Variants in CEP112 observed in about 807,000 individuals in gnomAD.
CEP112 encodes centrosomal protein 112.
CEP112 carries 127 observed loss-of-function variants against 153.0 expected under a neutral mutation model. That is an observed-to-expected ratio of 0.83 (90% CI 0.72 to 0.96). The LOEUF (loss-of-function observed/expected upper bound fraction) is 0.96. CEP112 is among the 40% of genes least tolerant of loss of function. The pLI is 0.00. For missense variants in CEP112, 1,089 were observed against 1,101.2 expected, an observed-to-expected ratio of 0.99 and a Z score of 0.16; for synonymous variants, 358 against 374.4, an observed-to-expected ratio of 0.96 and a Z score of 0.51.
intron 24 of CEP112, among the ~76,000 whole-genome samples, chr17:65,645,980 C>T (rs1025382702): frequency 6.6e-6 from 1 of 152,148 alleles, no homozygotes; most frequent in Non-Finnish European, 1.5e-5. Flanking sequence ...CTCTGGGGGC[C>T]TATGTCCCTC....
At chr17:66,067,378 G>T (rs998830284) in intron 9 of CEP112, among the ~76,000 whole-genome samples, 2 of 152,176 alleles carry the variant, frequency 1.3e-5, no homozygotes, top group African/African-American at 4.8e-5. Context: ...GGGAGTTAGG[G>T]ATTCTTTTTC....
intron 23 of CEP112, among the ~76,000 whole-genome samples, chr17:65,704,312 T>C (rs778689536): frequency 1.1e-4 from 16 of 152,136 alleles, no homozygotes; most frequent in Non-Finnish European, 2.1e-4. Flanking sequence ...TCTCGTTGTT[T>C]CAACCCACCC....
At chr17:65,910,446 A>G (rs1027738320) in intron 19 of CEP112, among the ~76,000 whole-genome samples, 1 of 151,468 alleles carries the variant, frequency 6.6e-6, no homozygotes, top group Non-Finnish European at 1.5e-5. Flanking sequence ...TTAGTGACAA[A>G]GAAGAGGAAA....
intron 4 of CEP112, among the ~76,000 whole-genome samples, chr17:66,166,311 C>T (rs1389650732): frequency 6.6e-6 from 1 of 152,120 alleles, no homozygotes; most frequent in East Asian, 1.9e-4. Context: ...GTTTATTTAA[C>T]ATTACTCCTC....
intron 4 of CEP112, among the ~76,000 whole-genome samples, chr17:66,165,629 T>A (rs1159414172): frequency 6.6e-6 from 1 of 152,224 alleles, no homozygotes; most frequent in Admixed American, 6.5e-5. Flanking sequence ...TTCTTTTGCA[T>A]GCCCAGACTA....
At chr17:65,834,999 G>C (rs1381408908) in intron 21 of CEP112, among the ~76,000 whole-genome samples, 1 of 152,016 alleles carries the variant, frequency 6.6e-6, no homozygotes, top group Non-Finnish European at 1.5e-5. Context: ...ATATACCATG[G>C]AATACTATGC....
intron 14 of CEP112, among the ~76,000 whole-genome samples, chr17:66,028,771 C>G (rs2145706145): frequency 6.6e-6 from 1 of 151,812 alleles, no homozygotes; most frequent in South Asian, 2.1e-4. Flanking sequence ...AAAATGAAAG[C>G]AGAACCAAGA....
intron 23 of CEP112, among the ~76,000 whole-genome samples, chr17:65,717,728 C>A (rs2049614281): frequency 6.6e-6 from 1 of 152,178 alleles, no homozygotes; most frequent in Non-Finnish European, 1.5e-5. Flanking sequence ...TTTTAATTTT[C>A]CCACTCATGA....
chr17:66,121,381 G>A (rs1037547516), intron 6 of CEP112, among the ~76,000 whole-genome samples: 4 of 152,186 alleles, frequency 2.6e-5, no homozygotes, highest in Admixed American at 2.0e-4. Context: ...TTTTGGATGC[G>A]CAAATTGATG....
chr17:65,882,328 C>T (rs1373109649), intron 20 of CEP112, among the ~76,000 whole-genome samples: 1 of 152,204 alleles, frequency 6.6e-6, no homozygotes, highest in Non-Finnish European at 1.5e-5. Context: ...GGGTCTTATT[C>T]ATTTTGGCAT....
chr17:65,660,701 T>A lies in CEP112; in HGVS notation c.2698-19636A>T, dbSNP rs917075329. ...CTGGGACTACAGGCGTGTACCACCATGCCTTGCTAATTTTTGTATTTTTTT... is the reference window on the plus strand; with the variant it reads ...CTGGGACTACAGGCGTGTACCACCAAGCCTTGCTAATTTTTGTATTTTTTT... On this transcript the variant is annotated intron_variant, in intron 24 of 26. Transcript: ENST00000535342. 6.3e-5 allele frequency among the ~76,000 whole-genome samples: 8 copies of A among 127,370 alleles called. No individual in the cohort carries two copies. The East Asian group carries it at 2.0e-3, about 33-fold the overall frequency. The allele number at this position is 127,370 out of a possible 152,430, so 83.6% of individuals were successfully genotyped here.
At chr17:65,750,415 G>C (rs2051748791) in intron 22 of CEP112, among the ~76,000 whole-genome samples, 1 of 152,084 alleles carries the variant, frequency 6.6e-6, no homozygotes, top group Non-Finnish European at 1.5e-5. Flanking sequence ...CTGAGAGTGT[G>C]TGTATGTGTG....
chr17:65,689,126 T>C lies in CEP112; in HGVS notation c.2697+3A>G. The C allele has an allele frequency of 6.3e-7, 1 of 1,596,740 alleles. No individual in the cohort carries two copies. The highest frequency in any genetic ancestry group is 8.6e-7 in the Non-Finnish European group (1 of 1,164,350). On this transcript the variant is annotated splice_donor_region_variant and intron_variant, in intron 24 of 26. Coordinates refer to ENST00000535342, the MANE Select transcript of CEP112 (RefSeq NM_001199165.4). ...GAGAGTCAAATAGTAAAGGAGAGGG[T>C]ACCTGTTCCTGTGACTCCAATTCTT... is the stretch of plus-strand genomic sequence containing the variant.
intron 23 of CEP112, among the ~76,000 whole-genome samples, chr17:65,701,983 C>T (rs565225237): frequency 7.1e-6 from 1 of 140,256 alleles, no homozygotes; most frequent in African/African-American, 2.6e-5. Flanking sequence ...TCAAGCAATT[C>T]TCCTGCCTCA....
rs60646634 is a variant in CEP112 at position 65,751,952 on chromosome 17, T to TTCTA, written c.2395-1232_2395-1229dup. ...TGCGTCATGCCTTGCAATACAGTCC[T>TTCTA]TCTATCTATCTATCTATCTATCTAT... On this transcript the variant is annotated intron_variant, in intron 21 of 26. Transcript: ENST00000535342. Among the ~76,000 whole-genome samples the TTCTA allele has an allele frequency of 8.2e-3, 1,200 of 145,914 alleles. 8 individuals are homozygous for TTCTA. The highest frequency in any genetic ancestry group is 0.013 in the South Asian group (58 of 4,384).
chr17:65,886,151 C>T lies in CEP112; in HGVS notation c.2163+16001G>A, dbSNP rs979800464. Among the ~76,000 whole-genome samples the T allele has an allele frequency of 5.9e-5, 9 of 151,938 alleles. No individual in the cohort carries two copies. The East Asian group carries it at 1.4e-3, about 23-fold the overall frequency. ...CAAACCGCAGCTGGGTGGCTGAAAA[C>T]GAAAGGACAGCATCATTTAAACCAA... On this transcript the variant is annotated intron_variant, in intron 20 of 26. Transcript: ENST00000535342.
At chr17:65,787,377 G>A (rs375352839) in intron 21 of CEP112, among the ~76,000 whole-genome samples, 65 of 152,270 alleles carry the variant, frequency 4.3e-4, no homozygotes, top group African/African-American at 1.5e-3. Context: ...CAGCTACTTG[G>A]GAGGCTAAGG....
At chr17:65,916,287 G>GTGTGTATGTGTA (rs1555711271) in intron 19 of CEP112, among the ~76,000 whole-genome samples, 2 of 147,494 alleles carry the variant, frequency 1.4e-5, no homozygotes, top group Admixed American at 6.8e-5. Flanking sequence ...GTGTGTGTGT[G>GTGTGTATGTGTA]TGTGTATGTG....
In CEP112 at chr17:65,915,762, T is replaced by C. The variant is rs181486494; in HGVS notation, c.1980+11820A>G. ...GAGATCACACCACTGCACTCCAGCC[T>C]GGGTGACAGAGTGAGACTCAAACTC... On this transcript the variant is annotated intron_variant, in intron 19 of 26. Coordinates refer to ENST00000535342, the MANE Select transcript of CEP112 (RefSeq NM_001199165.4). 5.6e-5 allele frequency among the ~76,000 whole-genome samples: 7 copies of C among 124,338 alleles called. No individual in the cohort carries two copies. In the Admixed American group the frequency reaches 6.6e-4, roughly 12 times the overall value. 81.6% of individuals were successfully genotyped at this position (124,338 alleles called of 152,430 possible). A position where few individuals can be genotyped will look rare whatever the true frequency, so the allele number is the denominator to read the frequency against.
Sources: gnomAD v4.1 joint callset for allele counts (sites outside exome capture counted in the v4.1 genomes callset) on GRCh38, gnomAD v4.1.1 for gene constraint, MANE v1.5 for transcripts, NCBI Gene and HGNC (gene_info 2026-07-23, HGNC 2026-07-21) for gene names.